The following TLL1 variants were observed in gnomAD, a reference collection of about 807,000 sequenced individuals.
The protein encoded by TLL1 is tolloid like 1, also known as tolloid-like protein 1.
In TLL1, 49 loss-of-function variants were observed where a neutral mutation model predicts 128.2. The ratio of observed to expected loss-of-function variants is 0.38; its 90% CI spans 0.30 to 0.48. The LOEUF (loss-of-function observed/expected upper bound fraction) is 0.48. TLL1 is among the 20% of genes least tolerant of loss of function. The pLI, the probability that TLL1 is intolerant of heterozygous loss-of-function variation, is 0.96. For missense variants in TLL1, 1,123 were observed against 1,242.0 expected (o/e 0.90, Z 1.44); for synonymous variants, 454 against 418.8 (o/e 1.08, Z -1.03).
intron 1 of TLL1, among the ~76,000 whole-genome samples, chr4:165,957,550 T>C (rs545974948): frequency 6.6e-5 from 10 of 152,022 alleles, no homozygotes; most frequent in Non-Finnish European, 1.5e-4. Flanking sequence ...CAGGTGATAT[T>C]TGGTTACATG....
chr4:165,995,030 C>A lies in TLL1; in HGVS notation c.515-31C>A, dbSNP rs1042599206. Reference sequence around the variant, plus strand: ...AGAAGCATTCTTCCTGGGGATGCCACCTTTTCATTAACATCACACATTTTT... The same window carrying A: ...AGAAGCATTCTTCCTGGGGATGCCAACTTTTCATTAACATCACACATTTTT... On this transcript the variant is annotated intron_variant, in intron 4 of 20. Transcript: ENST00000061240. The A allele has an allele frequency of 1.9e-6, 3 of 1,581,042 alleles. No individual in the cohort carries two copies. In the African/African-American group the frequency reaches 4.0e-5, roughly 21 times the overall value.
intron 1 of TLL1, among the ~76,000 whole-genome samples, chr4:165,891,837 C>A (rs1481947390): frequency 6.6e-6 from 1 of 152,200 alleles, no homozygotes; most frequent in Non-Finnish European, 1.5e-5. Flanking sequence ...CAACTTCTGC[C>A]AGTTACCCAG....
chr4:165,883,427 A>T (rs902605591), intron 1 of TLL1, among the ~76,000 whole-genome samples: 5 of 152,196 alleles, frequency 3.3e-5, no homozygotes, highest in African/African-American at 1.2e-4. Flanking sequence ...TGAGAGGGCC[A>T]TGAGTTCTAA....
chr4:165,906,246 CTTAG>C (rs1347681636), intron 1 of TLL1, among the ~76,000 whole-genome samples: 3 of 152,166 alleles, frequency 2.0e-5, no homozygotes, highest in South Asian at 2.1e-4. Flanking sequence ...ATGTTAACCT[CTTAG>C]TTAATTAAAA....
chr4:165,972,977 A>G (rs1036130674), intron 1 of TLL1, among the ~76,000 whole-genome samples: 1 of 65,150 alleles, frequency 1.5e-5, no homozygotes, highest in Non-Finnish European at 3.0e-5. Flanking sequence ...TTGTTCAAGC[A>G]TGCTTACTTG....
chr4:165,971,441 C>T (rs557138675), intron 1 of TLL1, among the ~76,000 whole-genome samples: 2 of 152,222 alleles, frequency 1.3e-5, no homozygotes, highest in African/African-American at 2.4e-5. Flanking sequence ...CCCAAATCCT[C>T]TGATGATCAT....
chr4:165,890,941 C>T (rs1039892905), intron 1 of TLL1, among the ~76,000 whole-genome samples: 2 of 152,198 alleles, frequency 1.3e-5, no homozygotes, highest in Non-Finnish European at 2.9e-5. Flanking sequence ...GCCTGGACAT[C>T]CAGGCACTTC....
intron 1 of TLL1, among the ~76,000 whole-genome samples, chr4:165,988,915 T>C (rs1736508322): frequency 1.3e-5 from 2 of 152,144 alleles, no homozygotes; most frequent in African/African-American, 4.8e-5. Flanking sequence ...TATTCTTTTG[T>C]CTTGATTGCA....
intron 10 of TLL1, 138 bp from the exon 11 acceptor site, chr4:166,041,888 GC>G (rs2111092575): frequency 1.6e-6 from 1 of 622,140 alleles, no homozygotes; most frequent in East Asian, 3.1e-5. Flanking sequence ...TAAATTTAAG[GC>G]ACAGTTGTGG....
chr4:166,014,545 C>G lies in TLL1; in HGVS notation c.1027C>G (p.Leu343Val). Residue 343 changes from leucine to valine, a missense_variant, in exon 8 of 21, where the codon CTG (leucine) becomes GTG (valine). Coordinates refer to ENST00000061240, the MANE Select transcript of TLL1 (RefSeq NM_012464.5). ...AGGAGATATCGCACAGGCAAGAAAG[C>G]TGTATAGATGTCCAGGTATTGCACT... ...SKGDIAQARK[L>V]YRCPACGETL... The G allele has an allele frequency of 6.2e-7, 1 of 1,611,988 alleles. No individual in the cohort carries two copies. Among genetic ancestry groups the G allele is most frequent in the Non-Finnish European group, 8.5e-7 (1 of 1,178,510 alleles).
intron 12 of TLL1, among the ~76,000 whole-genome samples, chr4:166,048,176 C>T (rs911329339): frequency 1.4e-5 from 2 of 146,680 alleles, no homozygotes; most frequent in African/African-American, 5.1e-5. Context: ...GCAGAGTTTG[C>T]AGTGAGCCAG....
At chr4:165,975,368 G>A (rs1735828944) in intron 1 of TLL1, among the ~76,000 whole-genome samples, 1 of 152,070 alleles carries the variant, frequency 6.6e-6, no homozygotes, top group African/African-American at 2.4e-5. Context: ...ATTTATAGGG[G>A]CAGTAGAGGC....
intron 9 of TLL1, among the ~76,000 whole-genome samples, chr4:166,034,258 A>G (rs1304399136): frequency 6.6e-6 from 1 of 152,198 alleles, no homozygotes; most frequent in Non-Finnish European, 1.5e-5. Context: ...AAGAGATGGT[A>G]GCATTCAATA....
At chr4:165,911,942 C>A (rs1732551958) in intron 1 of TLL1, among the ~76,000 whole-genome samples, 1 of 152,120 alleles carries the variant, frequency 6.6e-6, no homozygotes. Flanking sequence ...GTGGCATGAT[C>A]TTGGCTCACT....
intron 1 of TLL1, among the ~76,000 whole-genome samples, chr4:165,908,444 G>A (rs1034323115): frequency 2.0e-5 from 3 of 151,962 alleles, no homozygotes; most frequent in Non-Finnish European, 1.5e-5. Flanking sequence ...TTATCCAGGT[G>A]CGGTGACATT....
At chr4:166,040,095 A>T (rs1579659507) in intron 10 of TLL1, among the ~76,000 whole-genome samples, 1 of 152,316 alleles carries the variant, frequency 6.6e-6, no homozygotes, top group Middle Eastern at 3.4e-3. Flanking sequence ...GTTTTACTTA[A>T]AGGTGAGAGC....
At chr4:165,942,635 TATTA>T (rs1017193397) in intron 1 of TLL1, among the ~76,000 whole-genome samples, 3 of 149,406 alleles carry the variant, frequency 2.0e-5, no homozygotes, top group Admixed American at 6.7e-5. Context: ...ATACTATATA[TATTA>T]ATTATAAGCT....
At chr4:165,976,693 C>T (rs1042782624) in intron 1 of TLL1, among the ~76,000 whole-genome samples, 2 of 152,030 alleles carry the variant, frequency 1.3e-5, no homozygotes, top group African/African-American at 2.4e-5. Flanking sequence ...AGCTATACAC[C>T]AATGAAACAG....
chr4:165,953,990 C>T lies in TLL1; in HGVS notation c.170-35391C>T, dbSNP rs183897474. ...CTCACCTAATTTATTTATTTCTTTT[C>T]AATTTTACTCTGATGGCTGAATTCC... On this transcript the variant is annotated intron_variant, in intron 1 of 20. Coordinates refer to ENST00000061240, the MANE Select transcript of TLL1 (RefSeq NM_012464.5). 2.1e-4 allele frequency among the ~76,000 whole-genome samples: 32 copies of T among 152,146 alleles called. No homozygotes were observed. In the East Asian group the frequency reaches 5.6e-3, roughly 27 times the overall value.
Sources: gnomAD v4.1 joint callset for allele counts (sites outside exome capture counted in the v4.1 genomes callset) on GRCh38, gnomAD v4.1.1 for gene constraint, MANE v1.5 for transcripts, NCBI Gene and HGNC (gene_info 2026-07-23, HGNC 2026-07-21) for gene names.